The following DRICH1 variants were observed in gnomAD, a reference collection of about 807,000 sequenced individuals.
The protein encoded by DRICH1 is aspartate-rich protein 1.
In DRICH1, 38 loss-of-function variants were observed where a neutral mutation model predicts 39.5. The observed-to-expected ratio is 0.96, with a 90% confidence interval of 0.74 to 1.26. The LOEUF (loss-of-function observed/expected upper bound fraction) is 1.26, where lower values mean the gene tolerates loss of function less well. Ranked by LOEUF, DRICH1 falls within the 50% of genes most tolerant of loss-of-function variation. The pLI is 0.00. For missense variants in DRICH1, 279 were observed against 270.4 expected (o/e 1.03, Z -0.22); for synonymous variants, 84 against 99.5 (o/e 0.84, Z 0.93).
At chr22:23,605,585 G>A (rs1399770605), downstream of DRICH1, among the ~76,000 whole-genome samples, 3 of 151,958 alleles carry the variant, frequency 2.0e-5, no homozygotes, top group South Asian at 4.1e-4. Context: ...TGGGGACAGC[G>A]GCCACCATCC....
rs764669789 is a variant in DRICH1, at chr22:23,619,382, G to A, written c.418C>T (p.Arg140Trp). The change falls in exon 6 of 12, where the codon CGG becomes TGG. Residue 140 changes from arginine to tryptophan, a missense_variant. Transcript: ENST00000317749. The part of the protein sequence containing the change: ...LPSRVQGGCY[R>W]FDSSSCSSED... ...GACTCACAAGAACTGCTATCAAACCGGTAACAGCCACCTGCGGAGAAATGG... is the reference window on the plus strand; with the variant it reads ...GACTCACAAGAACTGCTATCAAACCAGTAACAGCCACCTGCGGAGAAATGG... The A allele has an allele frequency of 2.0e-5, 16 of 780,526 alleles. No individual in the cohort carries two copies. The highest frequency in any genetic ancestry group is 2.3e-4 in the Middle Eastern group (1 of 4,440). 48.4% of individuals were successfully genotyped at this position (780,526 alleles called of 1,614,324 possible). A position where few individuals can be genotyped will look rare whatever the true frequency, so the allele number is the denominator to read the frequency against.
intron 10 of DRICH1, 95 bp downstream of exon 10, chr22:23,613,544 A>G: frequency 9.5e-7 from 1 of 1,049,756 alleles, no homozygotes. Context: ...GAGAACCCCA[A>G]GCCTCTTTCC....
At chr22:23,593,814 A>C in the DRICH1 span, among the ~76,000 whole-genome samples, 1 of 151,514 alleles carries the variant, frequency 6.6e-6, no homozygotes, top group East Asian at 1.9e-4. Context: ...CAAAACAAAA[A>C]CAAAAACAAA....
intron 1 of DRICH1, among the ~76,000 whole-genome samples, chr22:23,628,061 G>T (rs1372483199): frequency 6.6e-6 from 1 of 152,212 alleles, no homozygotes; most frequent in Non-Finnish European, 1.5e-5. Flanking sequence ...GATAGAGTTT[G>T]ACACTGAAGA....
chr22:23,604,079 C>G (rs941023576), downstream of DRICH1, among the ~76,000 whole-genome samples: 1 of 152,156 alleles, frequency 6.6e-6, no homozygotes, highest in South Asian at 2.1e-4. Flanking sequence ...CACCACAACA[C>G]CCTCCATGGG....
At chr22:23,586,054 A>G in the DRICH1 span, among the ~76,000 whole-genome samples, 1 of 152,102 alleles carries the variant, frequency 6.6e-6, no homozygotes, top group Non-Finnish European at 1.5e-5. Context: ...TTGTCTTTCA[A>G]TCTTCTATTT....
the DRICH1 span, among the ~76,000 whole-genome samples, chr22:23,590,777 T>C: frequency 6.6e-6 from 1 of 151,914 alleles, no homozygotes; most frequent in African/African-American, 2.4e-5. Context: ...TAAATATAGA[T>C]ATCTATTTAG....
chr22:23,615,502 GAAGTA>G (rs771071699), intron 8 of DRICH1, among the ~76,000 whole-genome samples: 2 of 152,140 alleles, frequency 1.3e-5, no homozygotes, highest in African/African-American at 2.4e-5. Flanking sequence ...AAGATCCTCG[GAAGTA>G]AAGAAGGTAC....
At chr22:23,627,878 G>A (rs998443183) in intron 1 of DRICH1, among the ~76,000 whole-genome samples, 7 of 152,134 alleles carry the variant, frequency 4.6e-5, no homozygotes, top group African/African-American at 1.4e-4. Flanking sequence ...CCCCAGAGGC[G>A]ACCTAGAACT....
In DRICH1 at chr22:23,608,684, C is replaced by CAGGGG. The variant is rs1227502181; in HGVS notation, c.*75_*79dup. ...AGAATGTAGAGAGGATTGAGACCTC[C>CAGGGG]AGGGGCAAAGCTGGGGACCCTGCAG... is the stretch of plus-strand genomic sequence containing the variant. On this transcript the variant is annotated 3_prime_UTR_variant, in exon 12 of 12. Transcript: ENST00000317749. The CAGGGG allele has an allele frequency of 3.5e-6, 5 of 1,425,734 alleles. No individual in the cohort carries two copies. The highest frequency in any genetic ancestry group is 4.8e-6 in the Non-Finnish European group (5 of 1,033,750). 88.3% of individuals were successfully genotyped at this position (1,425,734 alleles called of 1,614,324 possible).
chr22:23,590,376 C>T, the DRICH1 span, among the ~76,000 whole-genome samples: 652 of 150,630 alleles, frequency 4.3e-3, 3 homozygotes, highest in Non-Finnish European at 8.0e-3. Context: ...CTCTTGGGTT[C>T]AAGCAATTCT....
At chr22:23,627,065 CTGAT>C (rs1450178264) in intron 1 of DRICH1, among the ~76,000 whole-genome samples, 1 of 137,698 alleles carries the variant, frequency 7.3e-6, no homozygotes, top group Admixed American at 7.2e-5. Context: ...TGATGAGGTT[CTGAT>C]TTTTTTTTTT....
chr22:23,610,040 C>T lies in DRICH1; in HGVS notation c.686-1272G>A, dbSNP rs143834329. On this transcript the variant is annotated intron_variant, in intron 11 of 11. Coordinates refer to ENST00000317749, the MANE Select transcript of DRICH1 (RefSeq NM_016449.4). ...CATCTCCTATGCCCGTTCTGAGGAG[C>T]CCTCTGGTTCTGAATCCCTGCACAA... Among the ~76,000 whole-genome samples the T allele has an allele frequency of 3.9e-3, 597 of 152,180 alleles. 3 individuals carry two copies. Among genetic ancestry groups the T allele is most frequent in the African/African-American group, 0.014 (570 of 41,502 alleles).
chr22:23,626,124 C>A (rs940963833), intron 1 of DRICH1, 76 bp from the exon 2 acceptor site: 3 of 986,222 alleles, frequency 3.0e-6, no homozygotes, highest in South Asian at 2.7e-5. Context: ...TTGCTGGATG[C>A]GGCACATGGA....
chr22:23,582,097 A>G, the DRICH1 span, among the ~76,000 whole-genome samples: 3 of 148,192 alleles, frequency 2.0e-5, no homozygotes, highest in African/African-American at 5.0e-5. Context: ...CTCCTGTCTC[A>G]GCCTCCTGAG....
At chr22:23,599,259 C>T in the DRICH1 span, among the ~76,000 whole-genome samples, 1 of 152,198 alleles carries the variant, frequency 6.6e-6, no homozygotes, top group Non-Finnish European at 1.5e-5. Flanking sequence ...TAGGACACGT[C>T]AGCCTGCTGG....
At chr22:23,622,458 C>T (rs993853545) in intron 3 of DRICH1, among the ~76,000 whole-genome samples, 2 of 152,102 alleles carry the variant, frequency 1.3e-5, no homozygotes, top group Non-Finnish European at 2.9e-5. Flanking sequence ...TGGAAGAGTG[C>T]CTTCCTACCT....
chr22:23,582,774 T>C, the DRICH1 span, among the ~76,000 whole-genome samples: 1 of 152,016 alleles, frequency 6.6e-6, no homozygotes, highest in Non-Finnish European at 1.5e-5. Flanking sequence ...TTGATCAGGC[T>C]GGTCCCGAAC....
At chr22:23,585,522 T>C in the DRICH1 span, among the ~76,000 whole-genome samples, 1 of 151,770 alleles carries the variant, frequency 6.6e-6, no homozygotes, top group African/African-American at 2.4e-5. Context: ...GTTTTGTGGG[T>C]TTTCTTTTCT....
Sources: gnomAD v4.1 joint callset for allele counts (sites outside exome capture counted in the v4.1 genomes callset) on GRCh38, gnomAD v4.1.1 for gene constraint, MANE v1.5 for transcripts, NCBI Gene and HGNC (gene_info 2026-07-23, HGNC 2026-07-21) for gene names.